Variants in KHDRBS2 observed in about 807,000 individuals in gnomAD.
KHDRBS2 encodes the protein KH domain-containing, RNA-binding, signal transduction-associated protein 2.
A neutral mutation model predicts 44.3 loss-of-function variants in KHDRBS2; 26 were observed. That is an observed-to-expected ratio of 0.59 (90% CI 0.43 to 0.81). The LOEUF (loss-of-function observed/expected upper bound fraction) is 0.81, where lower values mean the gene tolerates loss of function less well. Among genes scored for constraint, KHDRBS2 ranks in the 40% least tolerant of loss-of-function variants. KHDRBS2 has a pLI of 0.00. For missense variants in KHDRBS2, 476 were observed against 433.1 expected (o/e 1.10, Z -0.88); for synonymous variants, 194 against 151.1 (o/e 1.28, Z -2.08).
At chr6:62,113,502 T>C (rs1805503053) in intron 2 of KHDRBS2, among the ~76,000 whole-genome samples, 1 of 152,164 alleles carries the variant, frequency 6.6e-6, no homozygotes, top group Admixed American at 6.6e-5. Flanking sequence ...TTTGTTTTGA[T>C]CTAAACTCCC....
At chr6:61,885,979 T>C (rs1398697820) in intron 6 of KHDRBS2, among the ~76,000 whole-genome samples, 2 of 152,098 alleles carry the variant, frequency 1.3e-5, no homozygotes, top group African/African-American at 4.8e-5. Context: ...CATCAAACCC[T>C]ATTGTTTTTA....
chr6:62,125,116 G>A (rs2150085586), intron 2 of KHDRBS2, among the ~76,000 whole-genome samples: 1 of 152,264 alleles, frequency 6.6e-6, no homozygotes, highest in East Asian at 1.9e-4. Flanking sequence ...ACTGAAGAGG[G>A]TAAGAAAGAC....
chr6:62,231,873 C>G (rs1323244399), intron 1 of KHDRBS2, among the ~76,000 whole-genome samples: 1 of 152,134 alleles, frequency 6.6e-6, no homozygotes, highest in Admixed American at 6.6e-5. Flanking sequence ...ACTCAAGACA[C>G]CAATCTGTCT....
intron 1 of KHDRBS2, among the ~76,000 whole-genome samples, chr6:62,245,190 C>T (rs1242526404): frequency 6.6e-6 from 1 of 152,104 alleles, no homozygotes; most frequent in Non-Finnish European, 1.5e-5. Flanking sequence ...AGAAGATTTG[C>T]TGCATTCTCT....
intron 6 of KHDRBS2, among the ~76,000 whole-genome samples, chr6:61,873,937 A>G (rs1288061697): frequency 6.6e-6 from 1 of 152,032 alleles, no homozygotes; most frequent in Non-Finnish European, 1.5e-5. Context: ...ACAAAGATGC[A>G]TGGGGGGCAT....
intron 2 of KHDRBS2, among the ~76,000 whole-genome samples, chr6:62,105,412 T>A (rs1475135314): frequency 6.6e-6 from 1 of 152,044 alleles, no homozygotes; most frequent in Non-Finnish European, 1.5e-5. Context: ...GGTCCTGGAG[T>A]CTTTTTGGTT....
At chr6:62,153,637 T>C (rs1815709099) in intron 2 of KHDRBS2, among the ~76,000 whole-genome samples, 2 of 152,180 alleles carry the variant, frequency 1.3e-5, no homozygotes, top group Admixed American at 1.3e-4. Context: ...TGGCCAAATA[T>C]GATCATTGCT....
chr6:62,254,525 C>T (rs984196145), intron 1 of KHDRBS2, among the ~76,000 whole-genome samples: 1 of 151,984 alleles, frequency 6.6e-6, no homozygotes, highest in Admixed American at 6.6e-5. Flanking sequence ...AAGATGGAAT[C>T]AGTCATGCAA....
chr6:62,215,558 A>G (rs1257848883), intron 1 of KHDRBS2, among the ~76,000 whole-genome samples: 1 of 151,852 alleles, frequency 6.6e-6, no homozygotes, highest in African/African-American at 2.4e-5. Flanking sequence ...CCCAACCACA[A>G]TAAAAAAATA....
At chr6:61,572,766 T>C in the KHDRBS2 span, among the ~76,000 whole-genome samples, 4 of 152,226 alleles carry the variant, frequency 2.6e-5, no homozygotes, top group East Asian at 5.8e-4. Context: ...TAAAATCCAG[T>C]ATACCTTTAT....
intron 6 of KHDRBS2, among the ~76,000 whole-genome samples, chr6:61,867,065 G>T (rs1797903652): frequency 6.6e-6 from 1 of 152,082 alleles, no homozygotes; most frequent in Admixed American, 6.5e-5. Context: ...ACATTTTCAG[G>T]TATCTTTTCA....
intron 2 of KHDRBS2, among the ~76,000 whole-genome samples, chr6:62,090,413 C>A (rs1799274388): frequency 6.6e-6 from 1 of 152,108 alleles, no homozygotes; most frequent in Non-Finnish European, 1.5e-5. Flanking sequence ...CTGTGCTTGG[C>A]ATTGTAAGTG....
chr6:61,675,062 A>G (rs1765846472), downstream of KHDRBS2, among the ~76,000 whole-genome samples: 1 of 151,792 alleles, frequency 6.6e-6, no homozygotes, highest in South Asian at 2.1e-4. Context: ...AATCTCTTCC[A>G]GCTACTTTGA....
intron 6 of KHDRBS2, among the ~76,000 whole-genome samples, chr6:61,848,494 T>TATATATATATAC (rs1794800541): frequency 2.0e-5 from 1 of 50,578 alleles, no homozygotes; most frequent in Non-Finnish European, 3.6e-5. Context: ...TATATATGTA[T>TATATATATATAC]ATATATATAT....
intron 4 of KHDRBS2, among the ~76,000 whole-genome samples, chr6:61,922,447 G>A (rs1033182255): frequency 6.6e-6 from 1 of 152,136 alleles, no homozygotes; most frequent in Non-Finnish European, 1.5e-5. Flanking sequence ...GAACAACAAA[G>A]AGCTGCAAAA....
intron 2 of KHDRBS2, among the ~76,000 whole-genome samples, chr6:62,061,938 T>C (rs1008724325): frequency 6.6e-6 from 1 of 151,882 alleles, no homozygotes; most frequent in Non-Finnish European, 1.5e-5. Context: ...CTTCCATCGC[T>C]GATACCCTTT....
chr6:62,284,439 A>C (rs1003536590), intron 1 of KHDRBS2, among the ~76,000 whole-genome samples: 1 of 152,134 alleles, frequency 6.6e-6, no homozygotes, highest in African/African-American at 2.4e-5. Context: ...CATTTCAAAC[A>C]ATCTTAAACA....
At chr6:62,094,819 C>T (rs1333351999) in intron 2 of KHDRBS2, among the ~76,000 whole-genome samples, 2 of 151,848 alleles carry the variant, frequency 1.3e-5, no homozygotes, top group Non-Finnish European at 2.9e-5. Context: ...AGGGGTCTCT[C>T]CTTTCTCCTT....
chr6:62,201,235 TA>T (rs140335572), intron 1 of KHDRBS2, among the ~76,000 whole-genome samples: 3,709 of 151,884 alleles, frequency 0.024, 115 homozygotes, highest in African/African-American at 0.079. Flanking sequence ...CAAGTATTAT[TA>T]AAAAAAATTT....
Sources: allele counts gnomAD v4.1 joint callset (sites outside exome capture counted in the v4.1 genomes callset), GRCh38; gene constraint gnomAD v4.1.1; transcripts MANE v1.5; gene names NCBI Gene and HGNC (gene_info 2026-07-23, HGNC 2026-07-21).